SEPTIN4: variants seen among roughly 807,000 people sequenced by gnomAD.
SEPTIN4 encodes septin-4.
A neutral mutation model predicts 107.1 loss-of-function variants in SEPTIN4; 52 were observed. That is an observed-to-expected ratio of 0.49 (90% CI 0.39 to 0.61). The LOEUF (loss-of-function observed/expected upper bound fraction) is 0.61. Among genes scored for constraint, SEPTIN4 ranks in the 20% least tolerant of loss-of-function variants. The pLI, the probability that SEPTIN4 is intolerant of heterozygous loss-of-function variation, is 0.00. For missense variants in SEPTIN4, 1,048 were observed against 1,243.5 expected (o/e 0.84, Z 2.36); for synonymous variants, 417 against 467.0 (o/e 0.89, Z 1.38).
chr17:58,536,773 G>A (rs2043727953), intron 3 of SEPTIN4, among the ~76,000 whole-genome samples: 1 of 152,244 alleles, frequency 6.6e-6, no homozygotes. Flanking sequence ...CTGAGCAGAG[G>A]AGGGTGAGGG....
intron 3 of SEPTIN4, among the ~76,000 whole-genome samples, chr17:58,540,329 C>T (rs557021165): frequency 2.0e-5 from 3 of 152,292 alleles, no homozygotes; most frequent in East Asian, 3.9e-4. Flanking sequence ...GCTACCTAGA[C>T]GGCCTTCCCA....
chr17:58,540,592 C>T (rs1026484176), intron 3 of SEPTIN4, 74 bp downstream of exon 3: 2 of 1,216,588 alleles, frequency 1.6e-6, no homozygotes, highest in Non-Finnish European at 1.1e-6. Context: ...ACTCCCATTA[C>T]AGGACAGGAG....
intron 13 of SEPTIN4, 21 bp downstream of exon 13, chr17:58,520,722 T>A (rs962883027): frequency 6.2e-7 from 1 of 1,613,908 alleles, no homozygotes; most frequent in East Asian, 2.2e-5. Context: ...AGACCTCCCC[T>A]ATACCCCATA....
Position 58,525,203 on chromosome 17 carries a change from T to C in SEPTIN4, c.2093-2A>G. On this transcript the variant is annotated splice_acceptor_variant, in intron 6 of 13. Coordinates refer to ENST00000672673, the MANE Select transcript of SEPTIN4 (RefSeq NM_001368771.2). LOFTEE classifies it high-confidence loss of function. ...TCTCCACAGTTTGCATGATCCTCTC[T>C]GGAGAAAGGGGAAACTGAGGCCAGG... 6.2e-7 allele frequency: 1 copy of C among 1,613,710 alleles called. No individual in the cohort carries two copies. The highest frequency in any genetic ancestry group is 1.7e-5 in the Admixed American group (1 of 60,032).
chr17:58,544,263 A>C lies in SEPTIN4; in HGVS notation c.-77T>G. ...TATTCAGGATCCTAATGATGCCTGA[A>C]TATTTACCCTGTTTTAAAGCTGCTG... On this transcript the variant is annotated 5_prime_UTR_variant, in exon 1 of 14. Coordinates refer to ENST00000672673, the MANE Select transcript of SEPTIN4 (RefSeq NM_001368771.2). 6.7e-7 allele frequency: 1 copy of C among 1,498,408 alleles called. No individual in the cohort carries two copies. Among genetic ancestry groups the C allele is most frequent in the South Asian group, 1.3e-5 (1 of 75,550 alleles). 92.8% of individuals were successfully genotyped at this position (1,498,408 alleles called of 1,614,324 possible).
intron 7 of SEPTIN4, among the ~76,000 whole-genome samples, chr17:58,524,191 C>T (rs8066773): frequency 0.3 from 46,068 of 151,986 alleles, 7,569 homozygotes; most frequent in Admixed American, 0.44. Context: ...TCACTTAGGT[C>T]TGACCATTAC....
intron 5 of SEPTIN4, 51 bp from the exon 6 acceptor site, chr17:58,525,832 C>T (rs776477316): frequency 7.0e-7 from 1 of 1,436,748 alleles, no homozygotes; most frequent in Non-Finnish European, 9.8e-7. Context: ...GATCTATAGC[C>T]AAAAAGCAAC....
At chr17:58,522,485 C>A (rs2042371904) in intron 7 of SEPTIN4, among the ~76,000 whole-genome samples, 1 of 151,740 alleles carries the variant, frequency 6.6e-6, no homozygotes, top group Non-Finnish European at 1.5e-5. Flanking sequence ...CATGGTGAAA[C>A]CCTGTCTCCA....
intron 13 of SEPTIN4, 114 bp from the exon 14 acceptor site, chr17:58,520,599 T>C: frequency 6.6e-7 from 1 of 1,506,564 alleles, no homozygotes; most frequent in African/African-American, 1.4e-5. Flanking sequence ...TGAGGTGTGA[T>C]GGAGACTCTG....
rs920241177 is a variant in SEPTIN4 at position 58,543,063 on chromosome 17, T to G, written c.1124A>C (p.Gln375Pro). 2 of 1,611,920 alleles carry G rather than the reference T, an allele frequency of 1.2e-6. No individual in the cohort carries two copies. Among genetic ancestry groups the G allele is most frequent in the Admixed American group, 3.4e-5 (2 of 59,586 alleles). ...AGTAATTTCTGGGGGTTTTTGGGTT[T>G]GCTGTTTATAGATGGGCTCTGGAGT... The part of the protein sequence containing the change: ...FVTPEPIYKQ[Q>P]TQKPPEITYM... The change falls in exon 1 of 14, where the codon CAA (glutamine) becomes CCA (proline). Residue 375 changes from glutamine to proline, a missense_variant. By Grantham distance (76) the Gln-to-Pro change is moderately conservative. Coordinates refer to ENST00000672673, the MANE Select transcript of SEPTIN4 (RefSeq NM_001368771.2).
intron 5 of SEPTIN4, 21 bp from the exon 6 acceptor site, chr17:58,525,802 G>A: frequency 6.2e-7 from 1 of 1,601,182 alleles, no homozygotes; most frequent in South Asian, 1.1e-5. Flanking sequence ...AGAGGACAGA[G>A]GCACCAAATC....
intron 7 of SEPTIN4, among the ~76,000 whole-genome samples, chr17:58,523,298 C>T (rs1291404163): frequency 6.6e-6 from 1 of 150,532 alleles, no homozygotes. Context: ...TAACCTGAGC[C>T]CGGGGAGCCC....
chr17:58,522,026 C>A lies in SEPTIN4; in HGVS notation c.2292G>T (p.Lys764Asn), dbSNP rs2042329382. The A allele has an allele frequency of 1.9e-6, 3 of 1,614,206 alleles. No homozygotes were observed. In the East Asian group the frequency reaches 6.7e-5, roughly 36 times the overall value. ...YFRDESGLNR[K>N]NIQDNRVHCC... Reference sequence around the variant, plus strand: ...AGTGCACCCTGTTGTCTTGGATGTTCTTTCGGTTCAGGCCACTCTCGTCTC... The same window carrying A: ...AGTGCACCCTGTTGTCTTGGATGTTATTTCGGTTCAGGCCACTCTCGTCTC... Residue 764 changes from lysine (K) to asparagine (N), a missense_variant, in exon 8 of 14, where the codon AAG becomes AAT. This residue lies in a region of SEPTIN4 where 261 missense variants were observed against 371.7 expected (regional missense o/e 0.70). Transcript: ENST00000672673.
Position 58,542,955 on chromosome 17 carries a change from C to T in SEPTIN4, c.1232G>A (p.Arg411Lys), listed in dbSNP as rs2043921493. ...AGGTAAGGACCGAGGAGGCAAGGGC[C>T]TAGGGGTCAGTTCCAGTTCTGCATG... ...SIHAELELTP[R>K]PLPPRSLPRY... The change falls in exon 1 of 14, where the codon AGG becomes AAG. Residue 411 changes from arginine (R) to lysine (K), a missense_variant. Transcript: ENST00000672673. 5 of 1,614,142 alleles carry T rather than the reference C, an allele frequency of 3.1e-6. No individual in the cohort carries two copies. The East Asian group carries it at 8.9e-5, about 29-fold the overall frequency.
chr17:58,534,853 T>C (rs1324685967), intron 3 of SEPTIN4, among the ~76,000 whole-genome samples: 1 of 152,200 alleles, frequency 6.6e-6, no homozygotes, highest in African/African-American at 2.4e-5. Context: ...GCACAGGACC[T>C]AAGCAAGGAG....
chr17:58,525,510 C>G, intron 6 of SEPTIN4, 185 bp downstream of exon 6: 1 of 625,216 alleles, frequency 1.6e-6, no homozygotes. Flanking sequence ...TGCCCTGCTT[C>G]AGCACCCAAA....
intron 3 of SEPTIN4, chr17:58,532,079 C>A (rs2043523100): frequency 4.6e-6 from 5 of 1,095,442 alleles, no homozygotes; most frequent in Middle Eastern, 8.1e-4. Flanking sequence ...GAGTGCGGAC[C>A]GCTGCGGGAG....
Position 58,521,109 on chromosome 17 carries a change from C to G in SEPTIN4, c.2720G>C (p.Arg907Pro). Residue 907 changes from arginine to proline, a missense_variant, in exon 12 of 14, where the codon CGT becomes CCT. Transcript: ENST00000672673. This position sits in a 1 kb window ranked among gnomAD's most constrained non-coding sequence, Gnocchi z 6.4. ...DFVKLRTMLV[R>P]THMQDLKDVT... ...ATCCTTCAGGTCCTGCATGTGGGTA[C>G]GTACCAGCATTGTCCTCAGCTTCAC... is the stretch of plus-strand genomic sequence containing the variant. The G allele has an allele frequency of 6.2e-7, 1 of 1,614,164 alleles. No homozygotes were observed. The highest frequency in any genetic ancestry group is 2.2e-5 in the East Asian group (1 of 44,882).
chr17:58,528,057 A>G lies in SEPTIN4; in HGVS notation c.1615-1079T>C, dbSNP rs1458824298. On this transcript the variant is annotated intron_variant, in intron 3 of 13. Coordinates refer to ENST00000672673, the MANE Select transcript of SEPTIN4 (RefSeq NM_001368771.2). ...TGGGGTGCCTGGCAGTGCTGGGCTCAGCTCTGCCTCACAATACCCACGTGC... is the reference window on the plus strand; with the variant it reads ...TGGGGTGCCTGGCAGTGCTGGGCTCGGCTCTGCCTCACAATACCCACGTGC... 11 of 984,878 alleles carry G rather than the reference A, an allele frequency of 1.1e-5. No homozygotes were observed. The East Asian group carries it at 9.1e-4, about 81-fold the overall frequency. 61.0% of individuals were successfully genotyped at this position (984,878 alleles called of 1,614,324 possible).
Sources: allele counts gnomAD v4.1 joint callset (sites outside exome capture counted in the v4.1 genomes callset), GRCh38; gene constraint gnomAD v4.1.1; regional missense constraint gnomAD v4.1.1; non-coding constraint Gnocchi (gnomAD v3.1); transcripts MANE v1.5; gene names NCBI Gene and HGNC (gene_info 2026-07-23, HGNC 2026-07-21).